Variants in RPS6KC1 observed in about 807,000 individuals in gnomAD.
RPS6KC1 encodes inactive ribosomal protein S6 kinase delta-1.
Under a neutral mutation model 103.8 loss-of-function variants are expected in RPS6KC1, and 54 were observed. That is an observed-to-expected ratio of 0.52 (90% CI 0.42 to 0.65). The LOEUF is 0.65. RPS6KC1 is among the 30% of genes least tolerant of loss of function. RPS6KC1 has a pLI of 0.00. For synonymous variants in RPS6KC1, 439 were observed against 438.7 expected (o/e 1.00, Z -0.01); for missense variants, 1,151 against 1,253.8 (o/e 0.92, Z 1.24).
At chr1:213,285,613 A>G in the RPS6KC1 span, among the ~76,000 whole-genome samples, 2 of 152,178 alleles carry the variant, frequency 1.3e-5, no homozygotes, top group Non-Finnish European at 2.9e-5. Context: ...TAGCAAGAGT[A>G]TATGCAAACG....
At chr1:213,059,121 T>C (rs1368608556) in intron 1 of RPS6KC1, among the ~76,000 whole-genome samples, 1 of 152,254 alleles carries the variant, frequency 6.6e-6, no homozygotes, top group Admixed American at 6.5e-5. Flanking sequence ...TTTTTTTAAA[T>C]TATACTTTAA....
At chr1:213,667,657 C>T in the RPS6KC1 span, among the ~76,000 whole-genome samples, 1 of 152,062 alleles carries the variant, frequency 6.6e-6, no homozygotes, top group South Asian at 2.1e-4. Flanking sequence ...CATCTATTGA[C>T]TCTGTCTTTC....
At chr1:213,079,206 A>G (rs1202071944) in intron 3 of RPS6KC1, among the ~76,000 whole-genome samples, 2 of 152,096 alleles carry the variant, frequency 1.3e-5, no homozygotes, top group Admixed American at 1.3e-4. Context: ...TTTTACTGGT[A>G]TATTACTTTT....
In RPS6KC1 at chr1:213,077,783, T is replaced by C. The variant is rs777379591; in HGVS notation, c.229T>C (p.Leu77=). 6.4e-7 allele frequency: 1 copy of C among 1,565,294 alleles called. No individual in the cohort carries two copies. Among genetic ancestry groups the C allele is most frequent in the Non-Finnish European group, 8.7e-7 (1 of 1,150,688 alleles). The change falls in exon 3 of 15, where the codon TTG becomes CTG. Residue 77 remains leucine (L), a synonymous_variant. Transcript: ENST00000366960. ...CAAAAACTTATTCCGACATTCAGAG[T>C]TGTTTCCTCCATTTGCTAAAGGAAT... ...IHKNLFRHSE[L]FPPFAKGIVF... is the part of the protein sequence containing the mutation.
At chr1:213,474,184 G>A in the RPS6KC1 span, among the ~76,000 whole-genome samples, 1 of 152,028 alleles carries the variant, frequency 6.6e-6, no homozygotes. Flanking sequence ...GGGGTAGATG[G>A]AGCAACTGCT....
intron 8 of RPS6KC1, among the ~76,000 whole-genome samples, chr1:213,214,208 A>G (rs934846148): frequency 3.3e-5 from 5 of 152,374 alleles, no homozygotes; most frequent in African/African-American, 9.6e-5. Context: ...GGTCTTAGCA[A>G]ACGGCACACC....
At chr1:213,102,502 C>T (rs1033388685) in intron 3 of RPS6KC1, among the ~76,000 whole-genome samples, 1 of 152,120 alleles carries the variant, frequency 6.6e-6, no homozygotes, top group Non-Finnish European at 1.5e-5. Context: ...TGGGAAGCTA[C>T]AGTATAATTT....
chr1:213,272,265 A>T (rs1051928188), intron 14 of RPS6KC1, among the ~76,000 whole-genome samples: 2 of 152,222 alleles, frequency 1.3e-5, no homozygotes, highest in African/African-American at 2.4e-5. Context: ...TTACATGAGG[A>T]TGAGGGAAAC....
the RPS6KC1 span, among the ~76,000 whole-genome samples, chr1:213,837,697 A>G: frequency 6.6e-6 from 1 of 152,170 alleles, no homozygotes; most frequent in Admixed American, 6.5e-5. Flanking sequence ...GTGTGTGTGC[A>G]TGCACATGTG....
At chr1:213,553,882 GT>G in the RPS6KC1 span, among the ~76,000 whole-genome samples, 1 of 151,950 alleles carries the variant, frequency 6.6e-6, no homozygotes, top group South Asian at 2.1e-4. Context: ...GGGGTTGTTC[GT>G]TTTTTGCTTG....
intron 1 of RPS6KC1, among the ~76,000 whole-genome samples, chr1:213,057,057 A>G (rs2077389333): frequency 6.6e-6 from 1 of 151,790 alleles, no homozygotes; most frequent in Non-Finnish European, 1.5e-5. Flanking sequence ...CTCCCACCTC[A>G]GCCTCCCTAG....
intron 6 of RPS6KC1, among the ~76,000 whole-genome samples, chr1:213,166,901 G>A (rs1258463702): frequency 6.6e-6 from 1 of 152,096 alleles, no homozygotes; most frequent in Non-Finnish European, 1.5e-5. Context: ...GAAAACACTG[G>A]GATTTCTTTC....
chr1:213,633,127 G>C, the RPS6KC1 span, among the ~76,000 whole-genome samples: 1 of 152,178 alleles, frequency 6.6e-6, no homozygotes, highest in Admixed American at 6.5e-5. Flanking sequence ...ACACTCTTGA[G>C]GATATAATCC....
chr1:213,696,275 G>A, the RPS6KC1 span, among the ~76,000 whole-genome samples: 6 of 151,990 alleles, frequency 3.9e-5, no homozygotes, highest in African/African-American at 9.7e-5. Context: ...TGAGGCGGGC[G>A]GATCACCTGA....
At chr1:213,734,302 A>G in the RPS6KC1 span, among the ~76,000 whole-genome samples, 122,887 of 152,220 alleles carry the variant, frequency 0.81, 50,095 homozygotes, top group Middle Eastern at 0.93. Context: ...ATATAGACTT[A>G]GCTTTCGATG....
the RPS6KC1 span, among the ~76,000 whole-genome samples, chr1:213,750,021 G>C: frequency 6.6e-6 from 1 of 152,224 alleles, no homozygotes; most frequent in African/African-American, 2.4e-5. Flanking sequence ...CACTGGGTAA[G>C]ACACATATCA....
chr1:213,097,458 T>C (rs1019835016), intron 3 of RPS6KC1, among the ~76,000 whole-genome samples: 1 of 152,216 alleles, frequency 6.6e-6, no homozygotes, highest in Non-Finnish European at 1.5e-5. Flanking sequence ...TCATCGAGGC[T>C]TTTTCTGTTG....
chr1:213,526,546 T>C, the RPS6KC1 span, among the ~76,000 whole-genome samples: 1 of 152,088 alleles, frequency 6.6e-6, no homozygotes, highest in Non-Finnish European at 1.5e-5. Context: ...AGATTAGGTG[T>C]GAAAAATGAT....
the RPS6KC1 span, among the ~76,000 whole-genome samples, chr1:213,569,984 G>T: frequency 6.6e-6 from 1 of 152,226 alleles, no homozygotes; most frequent in Admixed American, 6.5e-5. Context: ...AAGGGAAGTG[G>T]CTCTCTTAGA....
Sources: allele counts gnomAD v4.1 joint callset (sites outside exome capture counted in the v4.1 genomes callset), GRCh38; gene constraint gnomAD v4.1.1; transcripts MANE v1.5; gene names NCBI Gene and HGNC (gene_info 2026-07-23, HGNC 2026-07-21).